Variants in SLC24A1 observed in about 807,000 individuals in gnomAD.
SLC24A1 encodes the protein sodium/potassium/calcium exchanger 1.
A neutral mutation model predicts 88.1 loss-of-function variants in SLC24A1; 52 were observed. The observed-to-expected ratio is 0.59, with a 90% CI of 0.47 to 0.74. SLC24A1 has a LOEUF of 0.74. SLC24A1 is among the 30% of genes least tolerant of loss of function. The pLI, the probability that SLC24A1 is intolerant of heterozygous loss-of-function variation, is 0.00. For synonymous variants in SLC24A1, 455 were observed against 498.0 expected (o/e 0.91, Z 1.15); for missense variants, 1,173 against 1,363.3 (o/e 0.86, Z 2.20).
In SLC24A1 at chr15:65,624,725, C is replaced by T; in HGVS notation, c.645C>T (p.Thr215=). ...FMTMETSHAI[T]PRTTVKDSDI... is the part of the protein sequence containing the mutation. ...CAATGGAAACAAGCCATGCGATCAC[C>T]CCCAGGACAACAGTGAAAGACAGTG... The change falls in exon 2 of 10, where the codon ACC becomes ACT. Residue 215 remains threonine (T), a synonymous_variant. Transcript: ENST00000261892. The T allele has an allele frequency of 1.2e-6, 2 of 1,612,438 alleles. No individual in the cohort carries two copies. The highest frequency in any genetic ancestry group is 1.7e-6 in the Non-Finnish European group (2 of 1,179,096).
At chr15:65,629,821 A>G (rs1216361271) in intron 2 of SLC24A1, among the ~76,000 whole-genome samples, 1 of 152,220 alleles carries the variant, frequency 6.6e-6, no homozygotes, top group African/African-American at 2.4e-5. Flanking sequence ...AGCCAATGGC[A>G]AAAAGGGATG....
downstream of SLC24A1, among the ~76,000 whole-genome samples, chr15:65,657,395 A>T (rs2075716915): frequency 6.6e-6 from 1 of 151,812 alleles, no homozygotes; most frequent in Non-Finnish European, 1.5e-5. Context: ...TAATCCCAGC[A>T]CTTTGGGAGG....
chr15:65,657,645 A>C (rs910793643), downstream of SLC24A1, among the ~76,000 whole-genome samples: 8 of 152,360 alleles, frequency 5.3e-5, no homozygotes, highest in South Asian at 4.1e-4. Flanking sequence ...CCGTCTCAAA[A>C]AAAAAGAAAA....
At chr15:65,659,330 T>G (rs955170942), downstream of SLC24A1, 3 of 125,380 alleles carry the variant, frequency 2.4e-5, 1 homozygote, top group African/African-American at 8.7e-5. Context: ...TGGTTTTTTT[T>G]TTTTTTTTTT....
chr15:65,645,502 CA>C (rs1267261817), intron 5 of SLC24A1, 109 bp from the exon 6 acceptor site: 3 of 806,168 alleles, frequency 3.7e-6, no homozygotes, highest in African/African-American at 1.7e-5. Context: ...AATAAACCTT[CA>C]GAAACCCTGA....
At chr15:65,634,208 G>A (rs571567270) in intron 2 of SLC24A1, among the ~76,000 whole-genome samples, 1 of 152,050 alleles carries the variant, frequency 6.6e-6, no homozygotes, top group East Asian at 1.9e-4. Flanking sequence ...TTGAATGAAC[G>A]TTAAAAAAAA....
At chr15:65,631,000 TA>T (rs1014162972) in intron 2 of SLC24A1, among the ~76,000 whole-genome samples, 70 of 141,358 alleles carry the variant, frequency 5.0e-4, no homozygotes, top group Non-Finnish European at 5.4e-4. Flanking sequence ...ACCACAATAT[TA>T]AAAAAAAAAA....
upstream of SLC24A1, chr15:65,619,114 T>G (rs888170302): frequency 3.3e-5 from 5 of 152,348 alleles, no homozygotes; most frequent in African/African-American, 1.2e-4. Flanking sequence ...AATAAAACAA[T>G]ATAAACAAAA....
chr15:65,634,968 T>G (rs2074865992), intron 2 of SLC24A1, among the ~76,000 whole-genome samples: 1 of 152,096 alleles, frequency 6.6e-6, no homozygotes, highest in South Asian at 2.1e-4. Flanking sequence ...TCGTATCAAA[T>G]AAGAAAATGG....
In SLC24A1 at chr15:65,654,722, TGAGACAGAG is replaced by T; in HGVS notation, c.*644_*652del. On this transcript the variant is annotated 3_prime_UTR_variant, in exon 10 of 10. Coordinates refer to ENST00000261892, the MANE Select transcript of SLC24A1 (RefSeq NM_004727.3). ...CCAGTATTTTCTTTTTTTTTTTTTT[TGAGACAGAG>T]TTTGGCTCTTGTTGCCCAGGCTGGT... is the stretch of plus-strand genomic sequence containing the variant. 8.3e-7 allele frequency: 1 copy of T among 1,203,108 alleles called. No individual in the cohort carries two copies. Among genetic ancestry groups the T allele is most frequent in the Non-Finnish European group, 1.1e-6 (1 of 917,442 alleles). 74.5% of individuals were successfully genotyped at this position (1,203,108 alleles called of 1,614,324 possible).
Position 65,655,989 on chromosome 15 carries a change from G to A in SLC24A1, c.*1910G>A, listed in dbSNP as rs2075671078. Reference sequence around the variant, plus strand: ...ATTCTTAATTATCCTTATTCCTGATGCTACTGCATTGCTGGGTTTCCATAG... The same window carrying A: ...ATTCTTAATTATCCTTATTCCTGATACTACTGCATTGCTGGGTTTCCATAG... On this transcript the variant is annotated 3_prime_UTR_variant, in exon 10 of 10. Coordinates refer to ENST00000261892, the MANE Select transcript of SLC24A1 (RefSeq NM_004727.3). The A allele has an allele frequency of 1.0e-6, 1 of 985,170 alleles. No individual in the cohort carries two copies. Among genetic ancestry groups the A allele is most frequent in the South Asian group, 4.7e-5 (1 of 21,282 alleles). The allele number at this position is 985,170 out of a possible 1,614,324, so 61.0% of individuals were successfully genotyped here. A position where few individuals can be genotyped will look rare whatever the true frequency, so the allele number is the denominator to read the frequency against.
chr15:65,639,778 G>A, intron 4 of SLC24A1, 75 bp downstream of exon 4: 1 of 962,084 alleles, frequency 1.0e-6, no homozygotes, highest in South Asian at 1.4e-5. Flanking sequence ...GAAGAACTGG[G>A]ACCTGAAAAT....
intron 2 of SLC24A1, among the ~76,000 whole-genome samples, chr15:65,630,623 G>C (rs1305968127): frequency 6.6e-6 from 1 of 152,202 alleles, no homozygotes; most frequent in African/African-American, 2.4e-5. Flanking sequence ...TAATTGTCAG[G>C]AAAAGATGGT....
Position 65,645,656 on chromosome 15 carries a change from C to T in SLC24A1, c.2185C>T (p.Pro729Ser), listed in dbSNP as rs1645093038. Residue 729 changes from proline to serine, a missense_variant, in exon 6 of 10, where the codon CCT becomes TCT. Physicochemically the swap from Pro to Ser is moderately conservative, Grantham distance 74. Transcript: ENST00000261892. ...CCCTGCGGTCACGGTCACACCAGCC[C>T]CTGTTCCAGACATCAAGGGAGATCA... ...KLPAVTVTPA[P>S]VPDIKGDQKE... 4.4e-6 allele frequency: 7 copies of T among 1,580,768 alleles called. No homozygotes were observed. Among genetic ancestry groups the T allele is most frequent in the Non-Finnish European group, 6.0e-6 (7 of 1,163,386 alleles).
At chr15:65,657,514 G>A (rs1466577291), downstream of SLC24A1, among the ~76,000 whole-genome samples, 1 of 152,174 alleles carries the variant, frequency 6.6e-6, no homozygotes, top group Non-Finnish European at 1.5e-5. Flanking sequence ...GAGGTGGCAG[G>A]CGCCTATAGT....
chr15:65,660,093 AT>A (rs1182427673), downstream of SLC24A1: 1 of 515,460 alleles, frequency 1.9e-6, no homozygotes, highest in Non-Finnish European at 3.4e-6. Context: ...CTTTCAAATG[AT>A]TTAAAGAACA....
In SLC24A1 at chr15:65,625,637, C is replaced by G; in HGVS notation, c.1557C>G (p.Ser519=). The change falls in exon 2 of 10, where the codon TCC becomes TCG. Residue 519 remains serine, a synonymous_variant. Coordinates refer to ENST00000261892, the MANE Select transcript of SLC24A1 (RefSeq NM_004727.3). ...CCTCCCTCATCGGTGTCTTCATTTC[C>G]CACAGCAACGTGGGCATTGGTACCA... is the stretch of plus-strand genomic sequence containing the variant. ...LFTSLIGVFI[S]HSNVGIGTIV... is the part of the protein sequence containing the mutation. 1 of 1,614,016 alleles carries G rather than the reference C, an allele frequency of 6.2e-7. No individual in the cohort carries two copies. Among genetic ancestry groups the G allele is most frequent in the African/African-American group, 1.3e-5 (1 of 75,040 alleles).
At chr15:65,636,015 T>C (rs2074921004) in intron 2 of SLC24A1, among the ~76,000 whole-genome samples, 1 of 152,194 alleles carries the variant, frequency 6.6e-6, no homozygotes, top group South Asian at 2.1e-4. Context: ...GATCAAGCAC[T>C]ATTTTCTATA....
chr15:65,626,026 G>A (rs542759644), intron 2 of SLC24A1, 56 bp downstream of exon 2: 159 of 1,310,502 alleles, frequency 1.2e-4, no homozygotes, highest in Non-Finnish European at 1.5e-4. Context: ...AGGATGTGGC[G>A]AAGCCAGGAC....
Sources: gnomAD v4.1 joint callset for allele counts (sites outside exome capture counted in the v4.1 genomes callset) on GRCh38, gnomAD v4.1.1 for gene constraint, MANE v1.5 for transcripts, NCBI Gene and HGNC (gene_info 2026-07-23, HGNC 2026-07-21) for gene names.